The following LDB3 variants were observed in gnomAD, a reference collection of about 807,000 sequenced individuals.
LDB3 encodes the protein LIM domain binding 3.
A neutral mutation model predicts 69.0 loss-of-function variants in LDB3; 49 were observed. The ratio of observed to expected loss-of-function variants is 0.71; its 90% CI spans 0.56 to 0.90. The LOEUF (loss-of-function observed/expected upper bound fraction) is 0.90, where lower values mean the gene tolerates loss of function less well. Among genes scored for constraint, LDB3 ranks in the 40% least tolerant of loss-of-function variants. LDB3 has a pLI of 0.00. For missense variants in LDB3, 928 were observed against 974.1 expected (o/e 0.95, Z 0.63); for synonymous variants, 387 against 396.2 (o/e 0.98, Z 0.28).
At chr10:86,679,624 G>A in intron 3 of LDB3, 106 bp downstream of exon 3, 2 of 1,294,000 alleles carry the variant, frequency 1.5e-6, no homozygotes, top group South Asian at 1.2e-5. Flanking sequence ...CCCGCCCTGG[G>A]CTACAAAACT....
At position 86,685,673 on chromosome 10, in the gene LDB3, C is replaced by T. The variant is rs1028583921; in HGVS notation, c.689+3870C>T. 2 of 1,614,132 alleles carry T rather than the reference C, an allele frequency of 1.2e-6. No individual in the cohort carries two copies. The highest frequency in any genetic ancestry group is 4.5e-5 in the East Asian group (2 of 44,880). ...CCCTGTCTTCTTTGCCCTTTTCCTC[C>T]CCAGGTGGTAGTCAACTCTCCAGCC... On this transcript the variant is annotated intron_variant, in intron 5 of 13. Coordinates refer to ENST00000361373, the MANE Select transcript of LDB3 (RefSeq NM_007078.3).
intron 9 of LDB3, among the ~76,000 whole-genome samples, chr10:86,711,072 G>A (rs1846633522): frequency 6.6e-6 from 1 of 152,204 alleles, no homozygotes; most frequent in African/African-American, 2.4e-5. Flanking sequence ...AGCCTTAGAT[G>A]GAGCAGTGGG....
rs775628647 is a variant in LDB3 at position 86,680,197 on chromosome 10, G to A, written c.321+40G>A. Reference sequence around the variant, plus strand: ...TGGCGGCGGGGTCCACTCAGCCCTGGTTCCTGGAGTGCTGGCCCTGGCCAG... The same window carrying A: ...TGGCGGCGGGGTCCACTCAGCCCTGATTCCTGGAGTGCTGGCCCTGGCCAG... On this transcript the variant is annotated intron_variant, in intron 4 of 13. Coordinates refer to ENST00000361373, the MANE Select transcript of LDB3 (RefSeq NM_007078.3). 3 of 1,578,292 alleles carry A rather than the reference G, an allele frequency of 1.9e-6. No homozygotes were observed. The Admixed American group carries it at 5.0e-5, about 26-fold the overall frequency.
intron 11 of LDB3, among the ~76,000 whole-genome samples, 179 bp from the exon 12 acceptor site, chr10:86,718,548 A>C (rs1384468599): frequency 1.3e-5 from 2 of 152,188 alleles, no homozygotes; most frequent in African/African-American, 4.8e-5. Flanking sequence ...ACCCAGCTGG[A>C]GAGTGACAAC....
rs949994168 is a variant in LDB3, at chr10:86,710,057, G to C, written c.1231+7G>C. 1.9e-6 allele frequency: 3 copies of C among 1,612,210 alleles called. No homozygotes were observed. Among genetic ancestry groups the C allele is most frequent in the Non-Finnish European group, 2.5e-6 (3 of 1,179,968 alleles). ...CCTTCTGTCTACCAGCCAGGTAAGA[G>C]GCAGAGCAGGAGGGGAGGCTGTCGA... On this transcript the variant is annotated splice_region_variant and intron_variant, in intron 9 of 13. Transcript: ENST00000361373.
At chr10:86,685,146 G>C (rs1241074547) in intron 5 of LDB3, among the ~76,000 whole-genome samples, 9 of 152,054 alleles carry the variant, frequency 5.9e-5, no homozygotes, top group East Asian at 1.9e-4. Context: ...GTCAGGTTTG[G>C]GGGGGCATAG....
At chr10:86,700,445 C>A (rs1252326333) in intron 7 of LDB3, among the ~76,000 whole-genome samples, 1 of 152,224 alleles carries the variant, frequency 6.6e-6, no homozygotes. Flanking sequence ...GCTACTTATG[C>A]TCGATCCTGG....
At chr10:86,674,095 A>G (rs1186708982) in intron 2 of LDB3, among the ~76,000 whole-genome samples, 2 of 151,906 alleles carry the variant, frequency 1.3e-5, no homozygotes, top group African/African-American at 4.8e-5. Context: ...CCAGCTGTGG[A>G]TCTTGTTTCC....
chr10:86,734,378 G>A lies in LDB3; in HGVS notation c.*1402G>A, dbSNP rs1303150948. 6.6e-6 allele frequency: 1 copy of A among 152,188 alleles called. No homozygotes were observed. The highest frequency in any genetic ancestry group is 1.5e-5 in the Non-Finnish European group (1 of 68,034). The allele number at this position is 152,188 out of a possible 1,614,324, so 9.4% of individuals were successfully genotyped here. A position where few individuals can be genotyped will look rare whatever the true frequency, so the allele number is the denominator to read the frequency against. On this transcript the variant is annotated 3_prime_UTR_variant, in exon 14 of 14. Transcript: ENST00000361373. The stretch of plus-strand genomic sequence containing the variant: ...CTTAGATTCTGTGGTTGGAAACAGT[G>A]TAGTCGCTTCCCTTTTTAGGAAGCC...
chr10:86,718,904 G>T, intron 12 of LDB3, 57 bp downstream of exon 12: 1 of 1,609,784 alleles, frequency 6.2e-7, no homozygotes, highest in Admixed American at 1.7e-5. Context: ...AAAGGGGCAG[G>T]CACAGGGAAC....
chr10:86,683,019 C>T (rs1323600778), intron 5 of LDB3, among the ~76,000 whole-genome samples: 1 of 151,868 alleles, frequency 6.6e-6, no homozygotes, highest in Non-Finnish European at 1.5e-5. Flanking sequence ...CCCAAGGTGA[C>T]AGAGCCATAT....
chr10:86,667,790 G>C (rs1185455477), upstream of LDB3, among the ~76,000 whole-genome samples: 1 of 152,202 alleles, frequency 6.6e-6, no homozygotes, highest in Non-Finnish European at 1.5e-5. Context: ...CCTATGCCAA[G>C]GGGTGCAGGC....
chr10:86,723,618 A>G (rs1390025741), intron 12 of LDB3, among the ~76,000 whole-genome samples: 1 of 152,218 alleles, frequency 6.6e-6, no homozygotes, highest in Non-Finnish European at 1.5e-5. Flanking sequence ...GGGTCAGCCC[A>G]TACCAGATAG....
chr10:86,682,682 C>T (rs1317243312), intron 5 of LDB3, among the ~76,000 whole-genome samples: 2 of 152,184 alleles, frequency 1.3e-5, no homozygotes, highest in Non-Finnish European at 2.9e-5. Context: ...GTTCCTCCTC[C>T]GAATCATGGA....
chr10:86,708,248 C>G (rs954717155), intron 8 of LDB3, among the ~76,000 whole-genome samples: 7 of 152,230 alleles, frequency 4.6e-5, no homozygotes, highest in African/African-American at 1.4e-4. Context: ...AGAGGGCTGG[C>G]TGCCCAGCGG....
chr10:86,716,639 C>G lies in LDB3; in HGVS notation c.1544C>G (p.Pro515Arg). 1 of 1,614,002 alleles carries G rather than the reference C, an allele frequency of 6.2e-7. No individual in the cohort carries two copies. Among genetic ancestry groups the G allele is most frequent in the Non-Finnish European group, 8.5e-7 (1 of 1,179,998 alleles). The change falls in exon 10 of 14, where the codon CCC becomes CGC. Residue 515 changes from proline (P) to arginine (R), a missense_variant. By Grantham distance (103) the Pro-to-Arg change is moderately radical. Transcript: ENST00000361373. ...STTSISKQTL[P>R]RGGPAYTPAG... ...ACCTCCATCAGCAAGCAGACCCTGC[C>G]CCGGGGAGGCCCAGCCTACACCCCA...
Position 86,716,742 on chromosome 10 carries a change from A to C in LDB3, c.1647A>C (p.Pro549=), listed in dbSNP as rs1274114155. ...AERFPASSRT[P]LCGHCNNVIR... The stretch of plus-strand genomic sequence containing the variant: ...GATTCCCAGCCAGCAGCCGGACTCC[A>C]CTCTGCGGTCACTGCAACAATGTCA... The change falls in exon 10 of 14, where the codon CCA becomes CCC. Residue 549 remains proline, a synonymous_variant. Coordinates refer to ENST00000361373, the MANE Select transcript of LDB3 (RefSeq NM_007078.3). 1 of 1,612,100 alleles carries C rather than the reference A, an allele frequency of 6.2e-7. No homozygotes were observed. The highest frequency in any genetic ancestry group is 1.1e-5 in the South Asian group (1 of 90,904).
intron 13 of LDB3, among the ~76,000 whole-genome samples, chr10:86,731,958 C>A (rs1397640950): frequency 6.7e-6 from 1 of 149,686 alleles, no homozygotes; most frequent in East Asian, 2.0e-4. Context: ...TATCTCAGGG[C>A]AGTTTTTCTT....
At chr10:86,703,463 G>A (rs753704826) in intron 7 of LDB3, among the ~76,000 whole-genome samples, 9 of 152,218 alleles carry the variant, frequency 5.9e-5, no homozygotes, top group African/African-American at 7.2e-5. Flanking sequence ...GCCCAAGACC[G>A]CCTCCCTGAG....
Sources: gnomAD v4.1 joint callset for allele counts (sites outside exome capture counted in the v4.1 genomes callset) on GRCh38, gnomAD v4.1.1 for gene constraint, MANE v1.5 for transcripts, NCBI Gene and HGNC (gene_info 2026-07-23, HGNC 2026-07-21) for gene names.